Variants in SLCO3A1 observed in about 807,000 individuals in gnomAD.
The protein encoded by SLCO3A1 is PGE1 transporter.
A neutral mutation model predicts 63.1 loss-of-function variants in SLCO3A1; 27 were observed. That is an observed-to-expected ratio of 0.43 (90% CI 0.32 to 0.59). The LOEUF (loss-of-function observed/expected upper bound fraction) is 0.59, where lower values mean the gene tolerates loss of function less well. Among genes scored for constraint, SLCO3A1 ranks in the 20% least tolerant of loss-of-function variants. SLCO3A1 has a pLI of 0.09. For synonymous variants in SLCO3A1, 473 were observed against 409.9 expected (o/e 1.15, Z -1.86); for missense variants, 773 against 945.8 (o/e 0.82, Z 2.40).
In SLCO3A1 at chr15:91,860,815, A is replaced by G. The variant is rs963822105; in HGVS notation, c.180+6727A>G. On this transcript the variant is annotated intron_variant, in intron 1 of 9. Coordinates refer to ENST00000318445, the MANE Select transcript of SLCO3A1 (RefSeq NM_013272.4). The surrounding 1 kb of genome is among the most constrained non-coding windows in gnomAD (Gnocchi z 5.5). ...CCTTCACCTCGTGTTCTCTTGCAGT[A>G]TTAAGTGGACTCTGGCAAGCAGGTC... 1.3e-5 allele frequency among the ~76,000 whole-genome samples: 2 copies of G among 152,086 alleles called. No homozygotes were observed. The highest frequency in any genetic ancestry group is 2.9e-5 in the Non-Finnish European group (2 of 68,008).
chr15:92,003,496 C>T (rs2046279274), intron 2 of SLCO3A1, among the ~76,000 whole-genome samples: 1 of 152,252 alleles, frequency 6.6e-6, no homozygotes, highest in Admixed American at 6.5e-5. Flanking sequence ...CTGCCTCCCC[C>T]TTCCCATCAG....
chr15:91,871,080 T>C (rs1456516202), intron 1 of SLCO3A1, among the ~76,000 whole-genome samples: 1 of 152,208 alleles, frequency 6.6e-6, no homozygotes, highest in Non-Finnish European at 1.5e-5. Flanking sequence ...AACCATGCCT[T>C]GTGGTTTTTC....
At chr15:92,012,576 A>T (rs1333293866) in intron 2 of SLCO3A1, among the ~76,000 whole-genome samples, 1 of 152,072 alleles carries the variant, frequency 6.6e-6, no homozygotes, top group Non-Finnish European at 1.5e-5. Context: ...CTTGGAGTTG[A>T]TGTAGACTGT....
intron 4 of SLCO3A1, among the ~76,000 whole-genome samples, chr15:92,113,405 G>A (rs1310904920): frequency 3.3e-5 from 5 of 152,074 alleles, no homozygotes; most frequent in Admixed American, 2.0e-4. Flanking sequence ...AGTTATCCCC[G>A]CCAGCCCGCA....
At chr15:92,061,422 C>A (rs769527267) in intron 2 of SLCO3A1, among the ~76,000 whole-genome samples, 4 of 152,196 alleles carry the variant, frequency 2.6e-5, no homozygotes, top group Non-Finnish European at 5.9e-5. Context: ...GATCTTCTCT[C>A]CACTCCCCAC....
intron 2 of SLCO3A1, among the ~76,000 whole-genome samples, chr15:92,024,691 C>T (rs113888089): frequency 1.3e-5 from 2 of 152,272 alleles, no homozygotes; most frequent in African/African-American, 4.8e-5. Context: ...TTAACATCTA[C>T]ACAAAGCAAA....
At chr15:91,867,078 C>T (rs1318250026) in intron 1 of SLCO3A1, among the ~76,000 whole-genome samples, 1 of 152,168 alleles carries the variant, frequency 6.6e-6, no homozygotes, top group Non-Finnish European at 1.5e-5. Context: ...CACAGCCGGG[C>T]TGGGGCATGT....
chr15:92,084,316 G>A lies in SLCO3A1; in HGVS notation c.647-10565G>A, dbSNP rs2047380479. Among the ~76,000 whole-genome samples the A allele has an allele frequency of 2.0e-5, 3 of 152,322 alleles. No individual in the cohort carries two copies. The South Asian group carries it at 6.2e-4, about 32-fold the overall frequency. ...CCAGTAAGAAGAACAAATAACAGCT[G>A]ATGGTTTTTGAGAATGTCTGTGTTC... On this transcript the variant is annotated intron_variant, in intron 2 of 9. Coordinates refer to ENST00000318445, the MANE Select transcript of SLCO3A1 (RefSeq NM_013272.4).
chr15:92,165,126 A>G lies in SLCO3A1; in HGVS notation c.*1991A>G. The G allele has an allele frequency of 4.1e-6, 4 of 985,360 alleles. No homozygotes were observed. The highest frequency in any genetic ancestry group is 1.0e-3 in the Middle Eastern group (2 of 1,936). The allele number at this position is 985,360 out of a possible 1,614,324, so 61.0% of individuals were successfully genotyped here. A position where few individuals can be genotyped will look rare whatever the true frequency, so the allele number is the denominator to read the frequency against. On this transcript the variant is annotated 3_prime_UTR_variant, in exon 10 of 10. Transcript: ENST00000318445. ...GAGGCTTGAATGACAGCCCAAATCT[A>G]GAGAAGGCACTCAGCAAGACCAACC...
intron 6 of SLCO3A1, among the ~76,000 whole-genome samples, chr15:92,126,924 C>A (rs1056232656): frequency 6.6e-6 from 1 of 152,202 alleles, no homozygotes; most frequent in Non-Finnish European, 1.5e-5. Context: ...AGCATCGAGG[C>A]TGAAGCATGG....
chr15:92,031,194 C>T (rs2046644210), intron 2 of SLCO3A1, among the ~76,000 whole-genome samples: 1 of 151,784 alleles, frequency 6.6e-6, no homozygotes, highest in Non-Finnish European at 1.5e-5. Context: ...AGACAAAAGA[C>T]ATCAATAGAG....
intron 2 of SLCO3A1, among the ~76,000 whole-genome samples, chr15:91,927,390 G>A (rs987921262): frequency 6.6e-6 from 1 of 151,912 alleles, no homozygotes; most frequent in Non-Finnish European, 1.5e-5. Flanking sequence ...TTTTCCATGT[G>A]TTCTTACTAA....
intron 4 of SLCO3A1, among the ~76,000 whole-genome samples, chr15:92,106,068 G>A (rs1011127880): frequency 3.9e-5 from 6 of 152,174 alleles, no homozygotes; most frequent in African/African-American, 4.8e-5. Flanking sequence ...CTCACTGCCA[G>A]TGCTGTCTCA....
Position 91,954,254 on chromosome 15 carries a change from G to A in SLCO3A1, c.646+37796G>A, listed in dbSNP as rs1378116407. On this transcript the variant is annotated intron_variant, in intron 2 of 9. Coordinates refer to ENST00000318445, the MANE Select transcript of SLCO3A1 (RefSeq NM_013272.4). The surrounding 1 kb of genome is among the most constrained non-coding windows in gnomAD (Gnocchi z 4.7). The stretch of plus-strand genomic sequence containing the variant: ...ATTCCATTGGATTAGAAGCTGTGCG[G>A]GTGCCCCTACGTTCTCACTTGTCTC... Among the ~76,000 whole-genome samples, 2 of 152,162 alleles carry A rather than the reference G, an allele frequency of 1.3e-5. No individual in the cohort carries two copies. Among genetic ancestry groups the A allele is most frequent in the South Asian group, 2.1e-4 (1 of 4,830 alleles).
Position 91,854,282 on chromosome 15 carries a change from G to T in SLCO3A1, c.180+194G>T, listed in dbSNP as rs1221087185. The T allele has an allele frequency of 6.0e-6, 7 of 1,157,948 alleles. No homozygotes were observed. The East Asian group carries it at 2.3e-4, about 39-fold the overall frequency. The allele number at this position is 1,157,948 out of a possible 1,614,324, so 71.7% of individuals were successfully genotyped here. ...CCGGGGCTGCCAGCGAGCGGGTAGCGGGCGGGACCGTTGATGCCGGTAGCA... is the reference window on the plus strand; with the variant it reads ...CCGGGGCTGCCAGCGAGCGGGTAGCTGGCGGGACCGTTGATGCCGGTAGCA... On this transcript the variant is annotated intron_variant, in intron 1 of 9. Transcript: ENST00000318445. The surrounding 1 kb of genome is among the most constrained non-coding windows in gnomAD (Gnocchi z 6.4).
At chr15:92,089,082 G>T (rs916602230) in intron 2 of SLCO3A1, among the ~76,000 whole-genome samples, 2 of 151,962 alleles carry the variant, frequency 1.3e-5, no homozygotes, top group East Asian at 3.9e-4. Flanking sequence ...CTGGAGTGCA[G>T]TGGCGTGATC....
intron 2 of SLCO3A1, among the ~76,000 whole-genome samples, chr15:91,929,304 C>T (rs1899140551): frequency 6.6e-6 from 1 of 152,196 alleles, no homozygotes; most frequent in Non-Finnish European, 1.5e-5. Context: ...TCTCTTCCAA[C>T]TCTATGTCCT....
intron 2 of SLCO3A1, among the ~76,000 whole-genome samples, chr15:91,978,922 T>C (rs1028353265): frequency 6.6e-6 from 1 of 152,246 alleles, no homozygotes; most frequent in Non-Finnish European, 1.5e-5. Context: ...GTTCAACACT[T>C]AGCATAAGCT....
At chr15:91,972,666 A>G (rs1900922673) in intron 2 of SLCO3A1, among the ~76,000 whole-genome samples, 1 of 152,110 alleles carries the variant, frequency 6.6e-6, no homozygotes, top group South Asian at 2.1e-4. Context: ...AGTACGGTGG[A>G]TTTATTAGAA....
Sources: allele counts gnomAD v4.1 joint callset (sites outside exome capture counted in the v4.1 genomes callset), GRCh38; gene constraint gnomAD v4.1.1; non-coding constraint Gnocchi (gnomAD v3.1); transcripts MANE v1.5; gene names NCBI Gene and HGNC (gene_info 2026-07-23, HGNC 2026-07-21).